ABLIM2: variants seen among roughly 807,000 people sequenced by gnomAD.
ABLIM2 encodes actin binding LIM protein family member 2, also known as actin-binding LIM protein 2.
ABLIM2 carries 53 observed loss-of-function variants against 97.7 expected under a neutral mutation model. That is an observed-to-expected ratio of 0.54 (90% CI 0.44 to 0.68). The LOEUF is 0.68. ABLIM2 is among the 30% of genes least tolerant of loss of function. The probability of loss-of-function intolerance (pLI) is 0.00; values close to 1 mark genes in which losing one functional copy is unlikely to be tolerated. For synonymous variants in ABLIM2, 361 were observed against 345.8 expected (o/e 1.04, Z -0.49); for missense variants, 835 against 867.2 (o/e 0.96, Z 0.47).
In ABLIM2 at chr4:8,095,896, GC is replaced by G. The variant is rs2152641387; in HGVS notation, c.338+1202del. On this transcript the variant is annotated intron_variant, in intron 3 of 20. Transcript: ENST00000447017. This position sits in a 1 kb window ranked among gnomAD's most constrained non-coding sequence, Gnocchi z 4.7. ...GCTTGCAGCAACCTGGTCATTCTCT[GC>G]CCCACTGTGTGAAATTCCTCTGCGA... 6.6e-6 allele frequency among the ~76,000 whole-genome samples: 1 copy of G among 152,292 alleles called. No individual in the cohort carries two copies. Among genetic ancestry groups the G allele is most frequent in the South Asian group, 2.1e-4 (1 of 4,824 alleles).
chr4:8,004,171 G>A lies in ABLIM2; in HGVS notation c.1618+3888C>T, dbSNP rs1024304560. On this transcript the variant is annotated intron_variant, in intron 16 of 20. Coordinates refer to ENST00000447017, the MANE Select transcript of ABLIM2 (RefSeq NM_001130083.2). This position sits in a 1 kb window ranked among gnomAD's most constrained non-coding sequence, Gnocchi z 5.9. Reference sequence around the variant, plus strand: ...CTGTCTCCTAACCCTCCCTCCCAACGGGCTCCGAGACCAGGCAGCAGAGAG... The same window carrying A: ...CTGTCTCCTAACCCTCCCTCCCAACAGGCTCCGAGACCAGGCAGCAGAGAG... Among the ~76,000 whole-genome samples the A allele has an allele frequency of 3.3e-5, 5 of 151,698 alleles. No homozygotes were observed. The highest frequency in any genetic ancestry group is 4.9e-5 in the African/African-American group (2 of 41,232).
chr4:8,106,674 G>C, intron 1 of ABLIM2, 37 bp from the exon 2 acceptor site: 1 of 1,569,806 alleles, frequency 6.4e-7, no homozygotes, highest in South Asian at 1.2e-5. Flanking sequence ...TTCAAGGGTG[G>C]ATGTGTGAGG....
At chr4:8,008,774 G>A (rs1217343975) in intron 15 of ABLIM2, among the ~76,000 whole-genome samples, 1 of 152,180 alleles carries the variant, frequency 6.6e-6, no homozygotes, top group African/African-American at 2.4e-5. Flanking sequence ...CCCCAGGGAT[G>A]CACTTTGATT....
In ABLIM2 at chr4:8,069,823, G is replaced by A. The variant is rs1360031592; in HGVS notation, c.675+7805C>T. On this transcript the variant is annotated intron_variant, in intron 6 of 20. Transcript: ENST00000447017. This position sits in a 1 kb window ranked among gnomAD's most constrained non-coding sequence, Gnocchi z 4.2. Reference sequence around the variant, plus strand: ...TTGTGTGTCTCTATGTGTTGTCTGTGTGTACGTGTCTGTGGGTGCCGTGTG... The same window carrying A: ...TTGTGTGTCTCTATGTGTTGTCTGTATGTACGTGTCTGTGGGTGCCGTGTG... Among the ~76,000 whole-genome samples the A allele has an allele frequency of 6.6e-6, 1 of 152,060 alleles. No homozygotes were observed. The highest frequency in any genetic ancestry group is 1.5e-5 in the Non-Finnish European group (1 of 68,006).
chr4:8,036,095 C>T, intron 10 of ABLIM2, 54 bp downstream of exon 10: 1 of 1,596,794 alleles, frequency 6.3e-7, no homozygotes, highest in Non-Finnish European at 8.5e-7. Flanking sequence ...GCCTGTCCTG[C>T]AGGGCAGCAC....
chr4:8,109,338 C>T (rs767339928), intron 1 of ABLIM2, among the ~76,000 whole-genome samples: 2 of 152,242 alleles, frequency 1.3e-5, no homozygotes, highest in African/African-American at 2.4e-5. Flanking sequence ...AACACCTGCC[C>T]CCCTTCATTT....
rs1820787660 is a variant in ABLIM2, at chr4:8,082,826, A to C, written c.455-2024T>G. On this transcript the variant is annotated intron_variant, in intron 4 of 20. Transcript: ENST00000447017. This position sits in a 1 kb window ranked among gnomAD's most constrained non-coding sequence, Gnocchi z 5.6. ...CCAGGAGGCGACCCCCACATCACCC[A>C]ATCTGCCGCGCTCCTTCCTGTGTCT... Among the ~76,000 whole-genome samples, 1 of 152,144 alleles carries C rather than the reference A, an allele frequency of 6.6e-6. No individual in the cohort carries two copies. The highest frequency in any genetic ancestry group is 2.4e-5 in the African/African-American group (1 of 41,442).
chr4:8,029,213 G>T (rs1779279784), intron 11 of ABLIM2, among the ~76,000 whole-genome samples: 1 of 152,176 alleles, frequency 6.6e-6, no homozygotes, highest in African/African-American at 2.4e-5. Flanking sequence ...AATGTTAATG[G>T]GCTTCATTTT....
At chr4:8,100,749 G>GAAAAAAA (rs57318831) in intron 2 of ABLIM2, among the ~76,000 whole-genome samples, 5 of 100,190 alleles carry the variant, frequency 5.0e-5, no homozygotes, top group Admixed American at 1.1e-4. Flanking sequence ...TCCATCTCAG[G>GAAAAAAA]AAAAAAAAAA....
chr4:8,121,146 C>G (rs1845235538), intron 1 of ABLIM2, among the ~76,000 whole-genome samples: 1 of 152,214 alleles, frequency 6.6e-6, no homozygotes, highest in South Asian at 2.1e-4. Flanking sequence ...TGTTTTCCAT[C>G]TGCAAAGTGG....
intron 20 of ABLIM2, among the ~76,000 whole-genome samples, chr4:7,975,990 T>A (rs764914021): frequency 3.3e-5 from 5 of 152,154 alleles, no homozygotes; most frequent in Non-Finnish European, 7.4e-5. Context: ...AAAGTCCCCA[T>A]GCCCTCACCT....
intron 6 of ABLIM2, among the ~76,000 whole-genome samples, chr4:8,070,096 G>C (rs996139059): frequency 1.3e-5 from 2 of 151,814 alleles, no homozygotes; most frequent in Admixed American, 1.3e-4. Flanking sequence ...CTTTCTGTGT[G>C]TTTGTGTGTC....
At chr4:7,997,672 C>T (rs1170364393) in intron 16 of ABLIM2, among the ~76,000 whole-genome samples, 4 of 152,094 alleles carry the variant, frequency 2.6e-5, no homozygotes, top group Non-Finnish European at 2.9e-5. Context: ...TTCTAGACTC[C>T]AGGCCCGGGT....
intron 1 of ABLIM2, among the ~76,000 whole-genome samples, chr4:8,116,174 G>A (rs1046878867): frequency 1.3e-5 from 2 of 152,212 alleles, no homozygotes; most frequent in African/African-American, 4.8e-5. Flanking sequence ...GAATGTAACA[G>A]GATGTTTGTC....
In ABLIM2 at chr4:8,015,679, G is replaced by A. The variant is rs1012876295; in HGVS notation, c.1423+3939C>T. Among the ~76,000 whole-genome samples the A allele has an allele frequency of 2.6e-5, 4 of 152,152 alleles. No homozygotes were observed. The highest frequency in any genetic ancestry group is 2.1e-4 in the South Asian group (1 of 4,828). On this transcript the variant is annotated intron_variant, in intron 14 of 20. Coordinates refer to ENST00000447017, the MANE Select transcript of ABLIM2 (RefSeq NM_001130083.2). This position sits in a 1 kb window ranked among gnomAD's most constrained non-coding sequence, Gnocchi z 4.6. ...GCAGGAGTGACAGCCCCCACCTGCCGGACAAGTGGTGGGAGGTGTGTGTTG... is the reference window on the plus strand; with the variant it reads ...GCAGGAGTGACAGCCCCCACCTGCCAGACAAGTGGTGGGAGGTGTGTGTTG...
In ABLIM2 at chr4:8,128,521, G is replaced by C. The variant is rs975527768; in HGVS notation, c.11-21884C>G. Among the ~76,000 whole-genome samples, 2 of 152,166 alleles carry C rather than the reference G, an allele frequency of 1.3e-5. No individual in the cohort carries two copies. The highest frequency in any genetic ancestry group is 4.8e-5 in the African/African-American group (2 of 41,436). On this transcript the variant is annotated intron_variant, in intron 1 of 20. Transcript: ENST00000447017. The surrounding 1 kb of genome is among the most constrained non-coding windows in gnomAD (Gnocchi z 4.9). ...TTATTTAATTTTAATTCAACCAGGG[G>C]ACCTGCTGGTTACCAGATGTACTCC...
chr4:8,021,309 T>C lies in ABLIM2; in HGVS notation c.1268-1006A>G, dbSNP rs2150935177. ...ATCCAGAGGGCCGAGGTGACCTGGGTGACGCCCCTCCCCCCACACCTGTTT... is the reference window on the plus strand; with the variant it reads ...ATCCAGAGGGCCGAGGTGACCTGGGCGACGCCCCTCCCCCCACACCTGTTT... On this transcript the variant is annotated intron_variant, in intron 12 of 20. Coordinates refer to ENST00000447017, the MANE Select transcript of ABLIM2 (RefSeq NM_001130083.2). This position sits in a 1 kb window ranked among gnomAD's most constrained non-coding sequence, Gnocchi z 5.5. 6.6e-6 allele frequency among the ~76,000 whole-genome samples: 1 copy of C among 152,238 alleles called. No individual in the cohort carries two copies. Among genetic ancestry groups the C allele is most frequent in the Middle Eastern group, 3.4e-3 (1 of 294 alleles).
chr4:8,050,818 C>T lies in ABLIM2; in HGVS notation c.822+3370G>A, dbSNP rs181742349. Reference sequence around the variant, plus strand: ...GAGCCACGCCAGTCCCTGGACTCGGCGCTAAGAGGCCAGCCGCTCTCAGCC... The same window carrying T: ...GAGCCACGCCAGTCCCTGGACTCGGTGCTAAGAGGCCAGCCGCTCTCAGCC... On this transcript the variant is annotated intron_variant, in intron 8 of 20. Coordinates refer to ENST00000447017, the MANE Select transcript of ABLIM2 (RefSeq NM_001130083.2). Among the ~76,000 whole-genome samples the T allele has an allele frequency of 2.1e-3, 321 of 152,344 alleles. 1 individual carries two copies. Among genetic ancestry groups the T allele is most frequent in the South Asian group, 9.1e-3 (44 of 4,830 alleles).
rs752462806 is a variant in ABLIM2, at chr4:8,085,603, TG to T, written c.454+2565del. Among the ~76,000 whole-genome samples the T allele has an allele frequency of 1.4e-5, 2 of 145,636 alleles. No homozygotes were observed. The highest frequency in any genetic ancestry group is 2.6e-5 in the African/African-American group (1 of 38,628). ...GCAGCCCCGTCCACTCACGCGGGTC[TG>T]GGGGGTGCCCACGCTGCAGCCCTGT... On this transcript the variant is annotated intron_variant, in intron 4 of 20. Transcript: ENST00000447017. The surrounding 1 kb of genome is among the most constrained non-coding windows in gnomAD (Gnocchi z 6.1).
Sources: gnomAD v4.1 joint callset for allele counts (sites outside exome capture counted in the v4.1 genomes callset) on GRCh38, gnomAD v4.1.1 for gene constraint, Gnocchi (gnomAD v3.1) non-coding constraint, MANE v1.5 for transcripts, NCBI Gene and HGNC (gene_info 2026-07-23, HGNC 2026-07-21) for gene names.